CMTM8: variants seen among roughly 807,000 people sequenced by gnomAD.
The protein encoded by CMTM8 is CKLF like MARVEL transmembrane domain containing 8.
Under a neutral mutation model 18.6 loss-of-function variants are expected in CMTM8, and 12 were observed. The observed-to-expected ratio is 0.65, with a 90% CI of 0.41 to 1.05. CMTM8 has a LOEUF of 1.05. CMTM8 is among the 50% of genes least tolerant of loss of function. CMTM8 has a pLI of 0.00. For synonymous variants in CMTM8, 87 were observed against 90.6 expected, an observed-to-expected ratio of 0.96 and a Z score of 0.23; for missense variants, 217 against 227.2, an observed-to-expected ratio of 0.95 and a Z score of 0.29.
intron 1 of CMTM8, among the ~76,000 whole-genome samples, chr3:32,347,505 G>T (rs1696625049): frequency 6.6e-6 from 1 of 151,518 alleles, no homozygotes; most frequent in South Asian, 2.1e-4. Context: ...CTTGGAGGGG[G>T]CAGGGACGGG....
At chr3:32,254,673 C>A (rs1422479789) in intron 1 of CMTM8, among the ~76,000 whole-genome samples, 1 of 151,932 alleles carries the variant, frequency 6.6e-6, no homozygotes, top group Non-Finnish European at 1.5e-5. Context: ...TTCCTCCTTA[C>A]CTATTCCTGG....
chr3:32,356,701 A>G (rs1374728267), intron 1 of CMTM8, among the ~76,000 whole-genome samples: 1 of 152,228 alleles, frequency 6.6e-6, no homozygotes, highest in East Asian at 1.9e-4. Flanking sequence ...CCTTGAAAGC[A>G]GATCAGCTCC....
At chr3:32,325,215 G>A (rs912792973) in intron 1 of CMTM8, among the ~76,000 whole-genome samples, 1 of 152,204 alleles carries the variant, frequency 6.6e-6, no homozygotes, top group Non-Finnish European at 1.5e-5. Context: ...TCCAGTTTTA[G>A]TGGGGGCATT....
chr3:32,357,885 G>T (rs1476557257), intron 2 of CMTM8, among the ~76,000 whole-genome samples: 1 of 152,116 alleles, frequency 6.6e-6, no homozygotes, highest in Non-Finnish European at 1.5e-5. Flanking sequence ...AATATGCCAG[G>T]GCGCCAACCT....
chr3:32,343,031 T>C (rs1176495637), intron 1 of CMTM8, among the ~76,000 whole-genome samples: 1 of 152,178 alleles, frequency 6.6e-6, no homozygotes, highest in African/African-American at 2.4e-5. Context: ...CTCAGTCTGC[T>C]ATTACCATGT....
intron 1 of CMTM8, among the ~76,000 whole-genome samples, chr3:32,288,952 A>G (rs1253266340): frequency 6.6e-6 from 1 of 152,198 alleles, no homozygotes; most frequent in East Asian, 1.9e-4. Flanking sequence ...CTTGCCTAAG[A>G]TTATACCAGT....
At chr3:32,288,242 C>G (rs1464146757) in intron 1 of CMTM8, among the ~76,000 whole-genome samples, 1 of 152,116 alleles carries the variant, frequency 6.6e-6, no homozygotes. Flanking sequence ...AATTGAGGAG[C>G]TGACTTTCAT....
At chr3:32,316,670 T>C (rs1367028230) in intron 1 of CMTM8, among the ~76,000 whole-genome samples, 1 of 152,198 alleles carries the variant, frequency 6.6e-6, no homozygotes. Flanking sequence ...TTGGGGATTT[T>C]TTTTTCCCCC....
rs548929728 is a variant in CMTM8 at position 32,264,131 on chromosome 3, T to G, written c.147+25012T>G. 5.3e-5 allele frequency among the ~76,000 whole-genome samples: 8 copies of G among 152,108 alleles called. No individual in the cohort carries two copies. The East Asian group carries it at 1.5e-3, about 29-fold the overall frequency. ...AAAGATACTCCTTGAGAAGAGCAAC[T>G]CCAAGACACATAATTGTCAGATTCA... On this transcript the variant is annotated intron_variant, in intron 1 of 3. Coordinates refer to ENST00000307526, the MANE Select transcript of CMTM8 (RefSeq NM_178868.5).
chr3:32,300,115 G>A (rs1695585940), intron 1 of CMTM8, among the ~76,000 whole-genome samples: 1 of 152,220 alleles, frequency 6.6e-6, no homozygotes. Flanking sequence ...AAAGATACAG[G>A]GGAAGCTATC....
At chr3:32,362,366 A>G (rs563505239) in intron 2 of CMTM8, among the ~76,000 whole-genome samples, 12 of 152,244 alleles carry the variant, frequency 7.9e-5, no homozygotes, top group Non-Finnish European at 1.0e-4. Context: ...TCTTAAGTAC[A>G]TACTATGTGC....
intron 1 of CMTM8, among the ~76,000 whole-genome samples, chr3:32,316,785 T>A (rs1016555935): frequency 2.0e-5 from 3 of 152,182 alleles, no homozygotes; most frequent in Non-Finnish European, 4.4e-5. Context: ...GAAAGCTAAA[T>A]TTTTCAGTGA....
At chr3:32,331,267 A>G (rs896676125) in intron 1 of CMTM8, among the ~76,000 whole-genome samples, 1 of 152,230 alleles carries the variant, frequency 6.6e-6, no homozygotes, top group Non-Finnish European at 1.5e-5. Context: ...ATAATGAGCT[A>G]TTACCTCACA....
intron 1 of CMTM8, among the ~76,000 whole-genome samples, chr3:32,267,307 A>G (rs1194827263): frequency 1.8e-4 from 28 of 152,184 alleles, no homozygotes; most frequent in Admixed American, 1.8e-3. Context: ...CACATCTACA[A>G]CTATCTGATC....
intron 1 of CMTM8, among the ~76,000 whole-genome samples, chr3:32,296,764 G>T (rs959421376): frequency 2.6e-5 from 4 of 152,194 alleles, no homozygotes; most frequent in African/African-American, 7.2e-5. Flanking sequence ...GGTTCCATGG[G>T]TGGGGGCCTC....
At chr3:32,292,626 T>C (rs748695250) in intron 1 of CMTM8, among the ~76,000 whole-genome samples, 1 of 152,134 alleles carries the variant, frequency 6.6e-6, no homozygotes, top group Non-Finnish European at 1.5e-5. Flanking sequence ...GGATACTGTT[T>C]ATCCTTTAGG....
At chr3:32,344,868 C>G (rs1356143256) in intron 1 of CMTM8, among the ~76,000 whole-genome samples, 1 of 152,070 alleles carries the variant, frequency 6.6e-6, no homozygotes, top group Non-Finnish European at 1.5e-5. Context: ...GGACTCCAGC[C>G]TGAGTGACAG....
intron 1 of CMTM8, among the ~76,000 whole-genome samples, chr3:32,288,896 C>A (rs1237022575): frequency 6.6e-6 from 1 of 152,134 alleles, no homozygotes; most frequent in Non-Finnish European, 1.5e-5. Context: ...GCCATTAGCT[C>A]ATTTTCATGG....
At chr3:32,286,780 C>CA (rs1702694276) in intron 1 of CMTM8, among the ~76,000 whole-genome samples, 1 of 152,052 alleles carries the variant, frequency 6.6e-6, no homozygotes, top group South Asian at 2.1e-4. Context: ...AAAAAGGGCG[C>CA]AAAAAAACTC....
Sources: allele counts gnomAD v4.1 joint callset (sites outside exome capture counted in the v4.1 genomes callset), GRCh38; gene constraint gnomAD v4.1.1; transcripts MANE v1.5; gene names NCBI Gene and HGNC (gene_info 2026-07-23, HGNC 2026-07-21).